Variants in SYT16 observed in about 807,000 individuals in gnomAD.
SYT16 encodes the protein synaptotagmin 16, also known as synaptotagmin-16.
In SYT16, 42 loss-of-function variants were observed where a neutral mutation model predicts 61.4. The ratio of observed to expected loss-of-function variants is 0.68; its 90% CI spans 0.53 to 0.89. The LOEUF is 0.89. SYT16 is among the 40% of genes least tolerant of loss of function. The pLI, the probability that SYT16 is intolerant of heterozygous loss-of-function variation, is 0.00. For missense variants in SYT16, 804 were observed against 807.3 expected, an observed-to-expected ratio of 1.00 and a Z score of 0.05; for synonymous variants, 314 against 302.3, an observed-to-expected ratio of 1.04 and a Z score of -0.40.
chr14:61,978,463 C>T (rs1171020799), intron 2 of SYT16, among the ~76,000 whole-genome samples: 1 of 152,178 alleles, frequency 6.6e-6, no homozygotes, highest in East Asian at 1.9e-4. Context: ...TAACTGTAAC[C>T]TCAGTTGAAC....
intron 3 of SYT16, among the ~76,000 whole-genome samples, chr14:62,062,956 C>T (rs1402429808): frequency 6.6e-6 from 1 of 152,096 alleles, no homozygotes; most frequent in Non-Finnish European, 1.5e-5. Flanking sequence ...ATTTTTTTCT[C>T]CATCTGTAAA....
chr14:61,886,560 C>T (rs899517222), intron 1 of SYT16, among the ~76,000 whole-genome samples: 1 of 152,238 alleles, frequency 6.6e-6, no homozygotes. Flanking sequence ...GTAAGAAGCA[C>T]TTCTTCATTC....
In SYT16 at chr14:61,988,606, G is replaced by A. The variant is rs142532493; in HGVS notation, c.-144-7270G>A. Among the ~76,000 whole-genome samples the A allele has an allele frequency of 3.6e-3, 547 of 152,280 alleles. 3 individuals carry two copies. Among genetic ancestry groups the A allele is most frequent in the Admixed American group, 7.5e-3 (115 of 15,298 alleles). ...ATCATGCTCCAGAGCTATTTGTTGG[G>A]TAGAGTTTAAAAATATATTTAAATA... On this transcript the variant is annotated intron_variant, in intron 2 of 7. Transcript: ENST00000683842.
At chr14:61,839,575 C>T (rs1422087490) in intron 1 of SYT16, among the ~76,000 whole-genome samples, 1 of 152,102 alleles carries the variant, frequency 6.6e-6, no homozygotes, top group Non-Finnish European at 1.5e-5. Context: ...AGGTGCAGTA[C>T]ATTCAGGCAG....
intron 1 of SYT16, among the ~76,000 whole-genome samples, chr14:61,846,088 C>T (rs2046439559): frequency 6.6e-6 from 1 of 152,100 alleles, no homozygotes; most frequent in Admixed American, 6.6e-5. Flanking sequence ...AACATATGGT[C>T]TATTCATGTG....
intron 1 of SYT16, among the ~76,000 whole-genome samples, chr14:61,863,918 A>G (rs1419143171): frequency 6.6e-6 from 1 of 152,076 alleles, no homozygotes; most frequent in East Asian, 1.9e-4. Context: ...AAATCAGTTG[A>G]CTGTATGTAT....
intron 1 of SYT16, among the ~76,000 whole-genome samples, chr14:61,816,903 C>A (rs902317074): frequency 4.6e-5 from 7 of 151,224 alleles, no homozygotes; most frequent in Admixed American, 4.0e-4. Flanking sequence ...CCCATCTACT[C>A]GGGAGGCTGA....
At chr14:61,821,032 C>T (rs777971055) in intron 1 of SYT16, among the ~76,000 whole-genome samples, 6 of 152,084 alleles carry the variant, frequency 3.9e-5, no homozygotes, top group African/African-American at 7.2e-5. Flanking sequence ...CTCCCCATAC[C>T]TGCCAATATG....
intron 3 of SYT16, among the ~76,000 whole-genome samples, chr14:62,045,119 CAGAGTG>C (rs1333852226): frequency 6.6e-6 from 1 of 152,078 alleles, no homozygotes; most frequent in East Asian, 1.9e-4. Flanking sequence ...GCCTGGGTGA[CAGAGTG>C]AGACTATGTC....
Position 62,062,108 on chromosome 14 carries a change from A to G in SYT16, c.524-7495A>G, listed in dbSNP as rs572421460. ...AAGATTTTCTATTTGACTCACTCAT[A>G]TTTAACTATTACAAGTGCCATCGCT... is the stretch of plus-strand genomic sequence containing the variant. On this transcript the variant is annotated intron_variant, in intron 3 of 7. Coordinates refer to ENST00000683842, the MANE Select transcript of SYT16 (RefSeq NM_001367656.1). 3.0e-4 allele frequency among the ~76,000 whole-genome samples: 46 copies of G among 152,310 alleles called. 1 individual carries two copies. Among genetic ancestry groups the G allele is most frequent in the African/African-American group, 1.1e-3 (45 of 41,568 alleles).
chr14:61,842,711 TG>T (rs2046332704), intron 1 of SYT16, among the ~76,000 whole-genome samples: 1 of 144,720 alleles, frequency 6.9e-6, no homozygotes, highest in Non-Finnish European at 1.5e-5. Context: ...CACTCATAGG[TG>T]GGAATTGAAC....
At chr14:61,971,401 A>G (rs2051549511) in intron 2 of SYT16, among the ~76,000 whole-genome samples, 1 of 151,992 alleles carries the variant, frequency 6.6e-6, no homozygotes, top group South Asian at 2.1e-4. Context: ...TGAAGGCTGG[A>G]CTGTGGTGTC....
At chr14:62,085,030 G>T (rs1035685132) in intron 7 of SYT16, among the ~76,000 whole-genome samples, 9 of 152,194 alleles carry the variant, frequency 5.9e-5, no homozygotes, top group Admixed American at 3.9e-4. Flanking sequence ...CTTTCTAGGG[G>T]AACTGCCACT....
At chr14:62,097,471 A>T (rs1420252521) in intron 7 of SYT16, among the ~76,000 whole-genome samples, 1 of 152,172 alleles carries the variant, frequency 6.6e-6, no homozygotes, top group Non-Finnish European at 1.5e-5. Flanking sequence ...TGTTCATCAG[A>T]GTAAGTCACG....
chr14:61,842,885 CTGCACAT>C (rs2046340686), intron 1 of SYT16, among the ~76,000 whole-genome samples: 1 of 151,992 alleles, frequency 6.6e-6, no homozygotes. Context: ...TGTAACAAAC[CTGCACAT>C]TGTGCACATG....
intron 1 of SYT16, among the ~76,000 whole-genome samples, chr14:61,935,187 T>G (rs1440160893): frequency 6.6e-6 from 1 of 152,168 alleles, no homozygotes; most frequent in Non-Finnish European, 1.5e-5. Context: ...GTCAATCAGA[T>G]GGCCTTGCTC....
chr14:61,889,594 C>T (rs1488389363), intron 1 of SYT16, among the ~76,000 whole-genome samples: 2 of 151,900 alleles, frequency 1.3e-5, no homozygotes, highest in African/African-American at 4.8e-5. Context: ...TGCTCCCTCT[C>T]TCTCTCTCTC....
chr14:61,873,893 AT>A (rs2047406840), intron 1 of SYT16, among the ~76,000 whole-genome samples: 1 of 152,180 alleles, frequency 6.6e-6, no homozygotes, highest in Non-Finnish European at 1.5e-5. Context: ...GCCTTTTAAA[AT>A]TTTCGTATGT....
intron 1 of SYT16, among the ~76,000 whole-genome samples, chr14:61,849,956 ATTTCCATATTTT>A (rs1278812839): frequency 6.6e-6 from 1 of 152,026 alleles, no homozygotes; most frequent in African/African-American, 2.4e-5. Flanking sequence ...CTTGGTAGAC[ATTTCCATATTTT>A]TTTCCATAGA....
Sources: allele counts gnomAD v4.1 joint callset (sites outside exome capture counted in the v4.1 genomes callset), GRCh38; gene constraint gnomAD v4.1.1; transcripts MANE v1.5; gene names NCBI Gene and HGNC (gene_info 2026-07-23, HGNC 2026-07-21).